The following CLVS1 variants were observed in gnomAD, a reference collection of about 807,000 sequenced individuals.
CLVS1 encodes clavesin 1.
Under a neutral mutation model 33.1 loss-of-function variants are expected in CLVS1, and 10 were observed. The ratio of observed to expected loss-of-function variants is 0.30; its 90% confidence interval spans 0.19 to 0.51. The LOEUF is 0.51. Ranked by LOEUF, CLVS1 falls within the 20% of genes least tolerant of loss-of-function variation. The pLI, the probability that CLVS1 is intolerant of heterozygous loss-of-function variation, is 0.97. For missense variants in CLVS1, 343 were observed against 433.4 expected (o/e 0.79, Z 1.85); for synonymous variants, 163 against 166.1 (o/e 0.98, Z 0.14).
intron 2 of CLVS1, among the ~76,000 whole-genome samples, chr8:61,219,081 T>C (rs964448055): frequency 2.6e-5 from 4 of 152,226 alleles, no homozygotes; most frequent in Non-Finnish European, 5.9e-5. Context: ...CTGAGGTCAC[T>C]GAAGGACAGA....
chr8:61,116,979 A>C (rs1391000315), intron 1 of CLVS1, among the ~76,000 whole-genome samples: 1 of 144,140 alleles, frequency 6.9e-6, no homozygotes, highest in South Asian at 2.2e-4. Context: ...CCATTTTCAC[A>C]ATATTGATTC....
intron 1 of CLVS1, among the ~76,000 whole-genome samples, chr8:61,099,305 G>C (rs1190531126): frequency 6.6e-6 from 1 of 152,120 alleles, no homozygotes; most frequent in Non-Finnish European, 1.5e-5. Context: ...GGCCTGGGAT[G>C]GGGTCAAAGG....
chr8:61,360,808 T>C (rs1812942637), intron 2 of CLVS1, among the ~76,000 whole-genome samples: 1 of 152,240 alleles, frequency 6.6e-6, no homozygotes, highest in South Asian at 2.1e-4. Context: ...GCTTAAATAA[T>C]AAGCAATAAA....
chr8:61,380,438 G>A (rs536116795), intron 3 of CLVS1, among the ~76,000 whole-genome samples: 1 of 152,168 alleles, frequency 6.6e-6, no homozygotes, highest in East Asian at 1.9e-4. Context: ...TGTTAATCGT[G>A]TATGTATTAT....
At chr8:60,986,117 G>A in the CLVS1 span, among the ~76,000 whole-genome samples, 2 of 152,178 alleles carry the variant, frequency 1.3e-5, no homozygotes, top group African/African-American at 2.4e-5. Flanking sequence ...CTTGGAAGAC[G>A]ATTGTAGATG....
intron 2 of CLVS1, among the ~76,000 whole-genome samples, chr8:61,228,427 T>A (rs1808373037): frequency 6.6e-6 from 1 of 152,216 alleles, no homozygotes; most frequent in Admixed American, 6.5e-5. Context: ...AAGCTGAATA[T>A]GTAAGTTGAA....
At chr8:61,327,806 A>C (rs527781722) in intron 2 of CLVS1, among the ~76,000 whole-genome samples, 10 of 152,092 alleles carry the variant, frequency 6.6e-5, no homozygotes, top group Admixed American at 3.9e-4. Flanking sequence ...TATTAGTAGC[A>C]TGGATTTCTC....
intron 2 of CLVS1, among the ~76,000 whole-genome samples, chr8:61,272,635 C>G (rs1394034045): frequency 3.3e-5 from 5 of 152,224 alleles, no homozygotes; most frequent in Non-Finnish European, 4.4e-5. Context: ...GTACACCAAT[C>G]AGACGTAGAT....
At chr8:61,154,501 C>T (rs921738606) in intron 2 of CLVS1, among the ~76,000 whole-genome samples, 4 of 151,898 alleles carry the variant, frequency 2.6e-5, no homozygotes, top group Non-Finnish European at 5.9e-5. Flanking sequence ...ATGGATGGTT[C>T]GATATAACAA....
intron 3 of CLVS1, among the ~76,000 whole-genome samples, chr8:61,402,780 C>G (rs371402592): frequency 6.6e-6 from 1 of 152,142 alleles, no homozygotes; most frequent in African/African-American, 2.4e-5. Flanking sequence ...ATTTATTCAG[C>G]AAATTCTTGT....
At position 61,343,171 on chromosome 8, in the gene CLVS1, A is replaced by G. The variant is rs147429554; in HGVS notation, c.456-33434A>G. Among the ~76,000 whole-genome samples, 452 of 152,254 alleles carry G rather than the reference A, an allele frequency of 3.0e-3. 4 individuals carry two copies. The highest frequency in any genetic ancestry group is 5.0e-3 in the Non-Finnish European group (338 of 68,006). ...TGATTCTGTTAAAATACATAAAAGC[A>G]CTTTCTTCCAATTGCCCAGCCCTTG... On this transcript the variant is annotated intron_variant, in intron 2 of 5. Transcript: ENST00000325897.
rs138243950 is a variant in CLVS1 at position 61,155,010 on chromosome 8, G to A, written c.-152+23150G>A. On this transcript the variant is annotated intron_variant, in intron 2 of 2. Transcript: ENST00000522621. ...TGTGCGTGTGTGCATGTGTTTGTGTGTGCGTGGTTGCACAGGTGCCTAGAA... is the reference window on the plus strand; with the variant it reads ...TGTGCGTGTGTGCATGTGTTTGTGTATGCGTGGTTGCACAGGTGCCTAGAA... Among the ~76,000 whole-genome samples, 36 of 152,348 alleles carry A rather than the reference G, an allele frequency of 2.4e-4. No individual in the cohort carries two copies. The East Asian group carries it at 6.9e-3, about 29-fold the overall frequency.
chr8:61,418,050 T>C (rs7012122), intron 3 of CLVS1, among the ~76,000 whole-genome samples: 32,321 of 152,212 alleles, frequency 0.21, 5,941 homozygotes, highest in African/African-American at 0.5. Context: ...GCAGAAATCT[T>C]GCTCTCAACC....
intron 3 of CLVS1, among the ~76,000 whole-genome samples, chr8:61,451,812 C>CACAGAGAGAGAGAG (rs375319471): frequency 1.8e-4 from 26 of 142,848 alleles, no homozygotes; most frequent in African/African-American, 6.3e-4. Flanking sequence ...CACACACACA[C>CACAGAGAGAGAGAG]AGAGAGAGAG....
At chr8:61,218,520 G>A (rs970348014) in intron 2 of CLVS1, among the ~76,000 whole-genome samples, 4 of 151,122 alleles carry the variant, frequency 2.6e-5, no homozygotes, top group Non-Finnish European at 4.4e-5. Context: ...GGAAAGGAGA[G>A]GAATAGGAAG....
intron 3 of CLVS1, among the ~76,000 whole-genome samples, chr8:61,449,556 T>C (rs1816879407): frequency 6.6e-6 from 1 of 152,244 alleles, no homozygotes; most frequent in African/African-American, 2.4e-5. Flanking sequence ...CCACAGTTTT[T>C]TCCTGTGATG....
chr8:61,132,574 A>G (rs766876034), intron 2 of CLVS1, among the ~76,000 whole-genome samples: 1 of 152,190 alleles, frequency 6.6e-6, no homozygotes, highest in Non-Finnish European at 1.5e-5. Flanking sequence ...CCTTCTTTCC[A>G]TCACAGATGT....
chr8:61,207,397 G>T (rs538230898), intron 2 of CLVS1, among the ~76,000 whole-genome samples: 1 of 152,370 alleles, frequency 6.6e-6, no homozygotes, highest in African/African-American at 2.4e-5. Flanking sequence ...GTGCAAAGGT[G>T]CATGGGCTCA....
At chr8:61,361,796 TATAAA>T (rs1417765791) in intron 2 of CLVS1, among the ~76,000 whole-genome samples, 1 of 152,182 alleles carries the variant, frequency 6.6e-6, no homozygotes, top group Admixed American at 6.6e-5. Context: ...TTATTAATAT[TATAAA>T]AGAAATGGTA....
Sources: gnomAD v4.1 joint callset for allele counts (sites outside exome capture counted in the v4.1 genomes callset) on GRCh38, gnomAD v4.1.1 for gene constraint, MANE v1.5 for transcripts, NCBI Gene and HGNC (gene_info 2026-07-23, HGNC 2026-07-21) for gene names.